Variants in TENM4 observed in about 807,000 individuals in gnomAD.
TENM4 encodes teneurin transmembrane protein 4.
Under a neutral mutation model 243.3 loss-of-function variants are expected in TENM4, and 82 were observed. The ratio of observed to expected loss-of-function variants is 0.34; its 90% CI spans 0.28 to 0.40. TENM4 has a LOEUF of 0.40. TENM4 is among the 10% of genes least tolerant of loss of function. TENM4 has a pLI of 1.00. For synonymous variants in TENM4, 1,412 were observed against 1,456.3 expected (o/e 0.97, Z 0.69); for missense variants, 3,138 against 3,673.3 (o/e 0.85, Z 3.77).
At chr11:79,102,841 T>G (rs1224744585) in intron 4 of TENM4, among the ~76,000 whole-genome samples, 1 of 152,166 alleles carries the variant, frequency 6.6e-6, no homozygotes, top group African/African-American at 2.4e-5. Flanking sequence ...TTCATTTAAC[T>G]TTTTTTTCCA....
At chr11:78,935,374 T>A (rs1287969522) in intron 6 of TENM4, among the ~76,000 whole-genome samples, 1 of 152,174 alleles carries the variant, frequency 6.6e-6, no homozygotes, top group East Asian at 1.9e-4. Context: ...AGAAGGGCGC[T>A]AAACACCTAT....
In TENM4 at chr11:79,440,028, A is replaced by C. The variant is rs893017827; in HGVS notation, c.-321+481T>G. Among the ~76,000 whole-genome samples the C allele has an allele frequency of 4.6e-5, 7 of 151,998 alleles. No homozygotes were observed. Among genetic ancestry groups the C allele is most frequent in the Non-Finnish European group, 8.8e-5 (6 of 67,972 alleles). On this transcript the variant is annotated intron_variant, in intron 1 of 33. Coordinates refer to ENST00000278550, the MANE Select transcript of TENM4 (RefSeq NM_001098816.3). The surrounding 1 kb of genome is among the most constrained non-coding windows in gnomAD (Gnocchi z 4.7). ...ACCACCGCCCGTGCGGGGCTGCTGC[A>C]GCCGGCACTTGCCCCGCAGGGCAGG...
chr11:79,207,987 G>C (rs1863883473), intron 3 of TENM4, among the ~76,000 whole-genome samples: 1 of 151,934 alleles, frequency 6.6e-6, no homozygotes, highest in South Asian at 2.1e-4. Context: ...ACTAGAGAGA[G>C]TCACAAGCCC....
chr11:79,185,841 T>TA (rs1863371560), intron 3 of TENM4, among the ~76,000 whole-genome samples: 1 of 152,188 alleles, frequency 6.6e-6, no homozygotes, highest in African/African-American at 2.4e-5. Context: ...TATAGTTTCC[T>TA]AAAATCTCCA....
intron 24 of TENM4, 130 bp from the exon 25 acceptor site, chr11:78,720,520 A>G: frequency 5.5e-6 from 5 of 910,324 alleles, no homozygotes; most frequent in Non-Finnish European, 8.8e-6. Flanking sequence ...ATAAAGACTT[A>G]GCAGCTGTGA....
intron 12 of TENM4, among the ~76,000 whole-genome samples, chr11:78,836,974 C>T (rs960024950): frequency 2.0e-5 from 3 of 152,238 alleles, no homozygotes; most frequent in African/African-American, 7.2e-5. Context: ...TTTTGCTCAA[C>T]TCAGATCCTT....
chr11:78,926,570 C>A (rs1004599911), intron 6 of TENM4, among the ~76,000 whole-genome samples: 1 of 151,806 alleles, frequency 6.6e-6, no homozygotes, highest in African/African-American at 2.4e-5. Context: ...CTATGCCTGG[C>A]CAGAAATGAT....
At chr11:78,709,559 G>C (rs937899093) in intron 26 of TENM4, among the ~76,000 whole-genome samples, 1 of 152,170 alleles carries the variant, frequency 6.6e-6, no homozygotes, top group Non-Finnish European at 1.5e-5. Flanking sequence ...CTCCAAATCT[G>C]TATTTCTCAC....
At chr11:79,154,641 G>A (rs1396819846) in intron 3 of TENM4, among the ~76,000 whole-genome samples, 2 of 152,022 alleles carry the variant, frequency 1.3e-5, no homozygotes, top group South Asian at 2.1e-4. Context: ...AGTAAGTGCC[G>A]TCCCCAAGGC....
chr11:78,993,658 A>G (rs7950661), intron 6 of TENM4, among the ~76,000 whole-genome samples: 48,077 of 151,828 alleles, frequency 0.32, 9,200 homozygotes, highest in East Asian at 0.73. Context: ...TGTTAAACCC[A>G]ACAGTGAACT....
At chr11:79,270,099 C>T (rs1040214746) in intron 2 of TENM4, among the ~76,000 whole-genome samples, 1 of 152,066 alleles carries the variant, frequency 6.6e-6, no homozygotes, top group Non-Finnish European at 1.5e-5. Flanking sequence ...TCCCATCCCC[C>T]TAGCACCACC....
Position 79,149,320 on chromosome 11 carries a change from C to T in TENM4, c.-162-514G>A, listed in dbSNP as rs576155937. Reference sequence around the variant, plus strand: ...TATTTACTTATATTTGCTGTTGTTCCTAAATTGGATACTTAACCCATTCAT... The same window carrying T: ...TATTTACTTATATTTGCTGTTGTTCTTAAATTGGATACTTAACCCATTCAT... On this transcript the variant is annotated intron_variant, in intron 3 of 33. Transcript: ENST00000278550. Among the ~76,000 whole-genome samples, 20 of 152,218 alleles carry T rather than the reference C, an allele frequency of 1.3e-4. No individual in the cohort carries two copies. In the South Asian group the frequency reaches 4.1e-3, roughly 32 times the overall value.
rs573805733 is a variant in TENM4, at chr11:78,812,062, C to A, written c.1978+60G>T. 7.3e-6 allele frequency: 11 copies of A among 1,511,724 alleles called. No homozygotes were observed. The Admixed American group carries it at 1.6e-4, about 22-fold the overall frequency. 93.6% of individuals were successfully genotyped at this position (1,511,724 alleles called of 1,614,324 possible). A position where few individuals can be genotyped will look rare whatever the true frequency, so the allele number is the denominator to read the frequency against. On this transcript the variant is annotated intron_variant, in intron 14 of 33. Coordinates refer to ENST00000278550, the MANE Select transcript of TENM4 (RefSeq NM_001098816.3). ...CCCTGCTCCCTGGTCACCCTCTTGG[C>A]ACTATATGCCAGCCTCTATCTCAGA...
intron 2 of TENM4, among the ~76,000 whole-genome samples, chr11:79,290,020 T>C (rs191306160): frequency 6.4e-4 from 97 of 152,188 alleles, no homozygotes; most frequent in African/African-American, 2.2e-3. Context: ...GGTCTTGAAC[T>C]CCTGACCTCA....
At chr11:79,030,838 T>C (rs1350933910) in intron 6 of TENM4, among the ~76,000 whole-genome samples, 4 of 152,068 alleles carry the variant, frequency 2.6e-5, no homozygotes. Flanking sequence ...CCAGCGCCCC[T>C]GAGAAGCCTC....
At chr11:79,252,728 C>T (rs1855632991) in intron 2 of TENM4, among the ~76,000 whole-genome samples, 2 of 152,114 alleles carry the variant, frequency 1.3e-5, no homozygotes, top group Admixed American at 1.3e-4. Flanking sequence ...GGAGCTTGAC[C>T]TCTCCCTTCT....
intron 12 of TENM4, among the ~76,000 whole-genome samples, chr11:78,849,402 G>T (rs1181453003): frequency 1.3e-5 from 2 of 152,160 alleles, no homozygotes; most frequent in South Asian, 4.1e-4. Flanking sequence ...AATAGTGAGA[G>T]ACTGTGGTAT....
At chr11:78,726,629 G>A (rs531258497) in intron 22 of TENM4, among the ~76,000 whole-genome samples, 13 of 152,238 alleles carry the variant, frequency 8.5e-5, no homozygotes, top group African/African-American at 2.4e-4. Context: ...TCTCATGAAC[G>A]GCTTGGCACC....
chr11:79,425,046 T>C (rs1256174308), intron 1 of TENM4, among the ~76,000 whole-genome samples: 2 of 152,176 alleles, frequency 1.3e-5, no homozygotes, highest in African/African-American at 2.4e-5. Flanking sequence ...AATGTCTTAA[T>C]AGTACCTTTA....
Sources: allele counts gnomAD v4.1 joint callset (sites outside exome capture counted in the v4.1 genomes callset), GRCh38; gene constraint gnomAD v4.1.1; non-coding constraint Gnocchi (gnomAD v3.1); transcripts MANE v1.5; gene names NCBI Gene and HGNC (gene_info 2026-07-23, HGNC 2026-07-21).